GPHN: variants seen among roughly 807,000 people sequenced by gnomAD.
The protein encoded by GPHN is gephyrin.
GPHN carries 17 observed loss-of-function variants against 95.5 expected under a neutral mutation model. The observed-to-expected ratio is 0.18, with a 90% CI of 0.12 to 0.27. The LOEUF is 0.27. Ranked by LOEUF, GPHN falls within the 10% of genes least tolerant of loss-of-function variation. The pLI, the probability that GPHN is intolerant of heterozygous loss-of-function variation, is 1.00. For missense variants in GPHN, 660 were observed against 978.1 expected (o/e 0.67, Z 4.34); for synonymous variants, 320 against 322.5 (o/e 0.99, Z 0.08).
At chr14:66,517,067 G>A (rs561385620) in intron 1 of GPHN, among the ~76,000 whole-genome samples, 94 of 132,300 alleles carry the variant, frequency 7.1e-4, no homozygotes, top group Admixed American at 1.3e-3. Context: ...GGCAGAGATT[G>A]TAGTGAGCCA....
chr14:67,172,581 G>A (rs538191027), intron 21 of GPHN, among the ~76,000 whole-genome samples: 1 of 152,190 alleles, frequency 6.6e-6, no homozygotes, highest in South Asian at 2.1e-4. Flanking sequence ...GAACTATGCC[G>A]ATGTAGTACC....
At chr14:67,352,468 T>C in the GPHN span, among the ~76,000 whole-genome samples, 3 of 151,242 alleles carry the variant, frequency 2.0e-5, no homozygotes, top group African/African-American at 7.3e-5. Context: ...TAAAATGTCA[T>C]ACCATGCGGT....
the GPHN span, chr14:67,353,162 G>T: frequency 1.4e-6 from 1 of 710,680 alleles, no homozygotes; most frequent in Non-Finnish European, 2.3e-6. Flanking sequence ...AGACTATATA[G>T]AGAATTTGTA....
At chr14:67,486,584 T>G in the GPHN span, among the ~76,000 whole-genome samples, 2 of 152,146 alleles carry the variant, frequency 1.3e-5, no homozygotes, top group Non-Finnish European at 2.9e-5. Context: ...ATCTGATGGT[T>G]TTATAAGGGA....
chr14:67,641,001 C>T, the GPHN span, among the ~76,000 whole-genome samples: 1 of 152,162 alleles, frequency 6.6e-6, no homozygotes, highest in Non-Finnish European at 1.5e-5. Flanking sequence ...GTCATATTTT[C>T]TGCTTTTAAG....
chr14:66,681,768 A>C (rs6573702), intron 2 of GPHN, among the ~76,000 whole-genome samples: 1 of 151,644 alleles, frequency 6.6e-6, no homozygotes, highest in African/African-American at 2.4e-5. Flanking sequence ...TATTTCATAA[A>C]TTTTTTTTAC....
chr14:67,321,370 A>C, the GPHN span: 29 of 985,764 alleles, frequency 2.9e-5, no homozygotes, highest in Non-Finnish European at 4.1e-5. Context: ...TTAAGTTCTC[A>C]TACGGTTTTT....
chr14:67,535,509 T>A, the GPHN span, among the ~76,000 whole-genome samples: 21 of 150,984 alleles, frequency 1.4e-4, no homozygotes, highest in Middle Eastern at 3.4e-3. Flanking sequence ...GCCTCCCAAG[T>A]GGCTGGGATT....
chr14:66,591,177 TGA>T (rs1404946955), intron 1 of GPHN, among the ~76,000 whole-genome samples: 1 of 152,190 alleles, frequency 6.6e-6, no homozygotes. Flanking sequence ...GTGCTATTTA[TGA>T]CAAACCCGCA....
At chr14:66,989,126 C>T (rs916511340) in intron 9 of GPHN, among the ~76,000 whole-genome samples, 1 of 151,902 alleles carries the variant, frequency 6.6e-6, no homozygotes, top group African/African-American at 2.4e-5. Context: ...GGAATTAATA[C>T]ACGTGTCTCA....
chr14:67,499,064 G>A, the GPHN span, among the ~76,000 whole-genome samples: 18 of 152,040 alleles, frequency 1.2e-4, no homozygotes, highest in African/African-American at 3.6e-4. Context: ...GTTCAGTGGT[G>A]TGATCATAGG....
At chr14:67,653,455 A>T in the GPHN span, 1 of 1,614,018 alleles carries the variant, frequency 6.2e-7, no homozygotes, top group East Asian at 2.2e-5. Context: ...CATTGAACGG[A>T]GAATCTTCCG....
chr14:67,557,515 T>C, the GPHN span: 1 of 1,153,818 alleles, frequency 8.7e-7, no homozygotes, highest in Non-Finnish European at 1.2e-6. Context: ...CCTCTAGTGC[T>C]GGGGAACTCG....
Position 67,113,049 on chromosome 14 carries a change from T to G in GPHN, c.1504T>G (p.Cys502Gly). The G allele has an allele frequency of 6.2e-7, 1 of 1,613,928 alleles. No homozygotes were observed. The highest frequency in any genetic ancestry group is 8.5e-7 in the Non-Finnish European group (1 of 1,179,824). Reference protein sequence around the residue: ...PIGHDIKRGECVLAKGTHMGP... With the variant: ...PIGHDIKRGEGVLAKGTHMGP... ...CGGCCATGACATTAAAAGAGGGGAA[T>G]GTGTTTTGGCCAAAGGAACCCACAT... The change falls in exon 16 of 23, where the codon TGT becomes GGT. Residue 502 changes from cysteine to glycine, a missense_variant. Cys to Gly is a radical substitution (Grantham distance 159). This residue lies in a region of GPHN where 257 missense variants were observed against 376.2 expected (regional missense o/e 0.68). Coordinates refer to ENST00000478722, the MANE Select transcript of GPHN (RefSeq NM_020806.5).
At chr14:67,124,673 C>T (rs555244201) in intron 17 of GPHN, among the ~76,000 whole-genome samples, 3 of 152,268 alleles carry the variant, frequency 2.0e-5, no homozygotes, top group South Asian at 4.1e-4. Flanking sequence ...TTATTTCCCT[C>T]CTACCAATGG....
intron 4 of GPHN, among the ~76,000 whole-genome samples, chr14:66,853,091 C>T (rs561888649): frequency 6.6e-6 from 1 of 152,054 alleles, no homozygotes; most frequent in Non-Finnish European, 1.5e-5. Context: ...TTGTTTGTTT[C>T]TGTTGCATTT....
At chr14:66,844,504 A>C (rs911493227) in intron 4 of GPHN, among the ~76,000 whole-genome samples, 1 of 152,112 alleles carries the variant, frequency 6.6e-6, no homozygotes, top group Non-Finnish European at 1.5e-5. Flanking sequence ...TTATGTGTGT[A>C]TCTACAATGT....
rs11429396 is a variant in GPHN, at chr14:66,991,870, T to TCA, written c.963+26545_963+26546insCA. ...CTGGGCAACAGAGTGAGACCCTGTC[T>TCA]AAAAAAAAAAAAAAAAAGAAAAGAA... On this transcript the variant is annotated intron_variant, in intron 9 of 22. Coordinates refer to ENST00000478722, the MANE Select transcript of GPHN (RefSeq NM_020806.5). Among the ~76,000 whole-genome samples the TCA allele has an allele frequency of 6.8e-3, 755 of 111,058 alleles. 9 individuals carry two copies. The highest frequency in any genetic ancestry group is 0.018 in the African/African-American group (589 of 33,174). The allele number at this position is 111,058 out of a possible 152,430, so 72.9% of individuals were successfully genotyped here. A position where few individuals can be genotyped will look rare whatever the true frequency, so the allele number is the denominator to read the frequency against.
At chr14:67,577,848 C>A in the GPHN span, among the ~76,000 whole-genome samples, 2 of 152,108 alleles carry the variant, frequency 1.3e-5, no homozygotes, top group Non-Finnish European at 2.9e-5. Context: ...CCCAAAGTAG[C>A]CCATAGCCCC....
Sources: gnomAD v4.1 joint callset for allele counts (sites outside exome capture counted in the v4.1 genomes callset) on GRCh38, gnomAD v4.1.1 for gene constraint, gnomAD v4.1.1 regional missense constraint, MANE v1.5 for transcripts, NCBI Gene and HGNC (gene_info 2026-07-23, HGNC 2026-07-21) for gene names.